Variants in DSCAM observed in about 807,000 individuals in gnomAD.
DSCAM encodes the protein DS cell adhesion molecule.
A neutral mutation model predicts 217.7 loss-of-function variants in DSCAM; 47 were observed. The observed-to-expected ratio is 0.22, with a 90% confidence interval of 0.17 to 0.28. The LOEUF (loss-of-function observed/expected upper bound fraction) is 0.28, where lower values mean the gene tolerates loss of function less well. DSCAM is among the 10% of genes least tolerant of loss of function. DSCAM has a pLI of 1.00. For synonymous variants in DSCAM, 1,056 were observed against 1,015.3 expected (o/e 1.04, Z -0.76); for missense variants, 2,080 against 2,618.3 (o/e 0.79, Z 4.49).
intron 3 of DSCAM, among the ~76,000 whole-genome samples, chr21:40,395,671 A>G (rs2075172495): frequency 1.3e-5 from 2 of 152,180 alleles, no homozygotes; most frequent in Admixed American, 6.5e-5. Context: ...TATATTCATG[A>G]ACACAAAGAA....
intron 1 of DSCAM, among the ~76,000 whole-genome samples, chr21:40,739,330 G>C (rs1003803442): frequency 6.6e-6 from 1 of 152,200 alleles, no homozygotes; most frequent in Non-Finnish European, 1.5e-5. Flanking sequence ...AGAGAGGCTG[G>C]TCCAGCAAAA....
intron 3 of DSCAM, among the ~76,000 whole-genome samples, chr21:40,377,091 G>A (rs2074971235): frequency 6.6e-6 from 1 of 152,128 alleles, no homozygotes; most frequent in South Asian, 2.1e-4. Context: ...ATATTAACAT[G>A]AATCCTAATC....
chr21:40,449,116 T>C (rs1465607145), intron 3 of DSCAM, among the ~76,000 whole-genome samples: 1 of 152,194 alleles, frequency 6.6e-6, no homozygotes, highest in East Asian at 1.9e-4. Flanking sequence ...CCATCTTCTG[T>C]AGTCACGCCT....
chr21:40,135,749 A>T (rs1371699375), intron 18 of DSCAM, among the ~76,000 whole-genome samples: 3 of 152,250 alleles, frequency 2.0e-5, no homozygotes, highest in Non-Finnish European at 4.4e-5. Context: ...ATGAATAGCC[A>T]TGTATTTTGT....
At position 40,828,947 on chromosome 21, in the gene DSCAM, C is replaced by T. The variant is rs1043264487; in HGVS notation, c.43+17672G>A. On this transcript the variant is annotated intron_variant, in intron 1 of 32. Transcript: ENST00000400454. ...TGCTGGGATTACAGGTGTGCACACA[C>T]GGCCACCATCCCTTCTTGTTACTAC... Among the ~76,000 whole-genome samples, 12 of 152,334 alleles carry T rather than the reference C, an allele frequency of 7.9e-5. No homozygotes were observed. The South Asian group carries it at 2.5e-3, about 32-fold the overall frequency.
chr21:40,426,540 A>C (rs1239774799), intron 3 of DSCAM, among the ~76,000 whole-genome samples: 1 of 152,254 alleles, frequency 6.6e-6, no homozygotes, highest in Non-Finnish European at 1.5e-5. Flanking sequence ...TTCATAATGT[A>C]AATGGCAATA....
At chr21:40,824,506 C>T (rs886082620) in intron 1 of DSCAM, among the ~76,000 whole-genome samples, 1 of 150,486 alleles carries the variant, frequency 6.6e-6, no homozygotes, top group African/African-American at 2.5e-5. Context: ...ACCTTCCAGG[C>T]TCAAGCAATT....
chr21:40,373,667 T>A (rs1354345523), intron 3 of DSCAM, among the ~76,000 whole-genome samples: 1 of 152,344 alleles, frequency 6.6e-6, no homozygotes, highest in South Asian at 2.1e-4. Flanking sequence ...GCTTGTTCAA[T>A]CTTCTCAGCT....
chr21:40,504,586 G>GA (rs2076195633), intron 3 of DSCAM, among the ~76,000 whole-genome samples: 1 of 152,146 alleles, frequency 6.6e-6, no homozygotes, highest in East Asian at 1.9e-4. Flanking sequence ...AAGAACAACA[G>GA]AAAAACTACA....
chr21:40,565,207 A>G (rs1484040050), intron 3 of DSCAM, among the ~76,000 whole-genome samples: 1 of 152,194 alleles, frequency 6.6e-6, no homozygotes, highest in Non-Finnish European at 1.5e-5. Context: ...CTGAATGGCC[A>G]ATGCGGCTAA....
chr21:40,287,355 G>A (rs185665915), intron 10 of DSCAM, among the ~76,000 whole-genome samples: 1 of 152,338 alleles, frequency 6.6e-6, no homozygotes, highest in East Asian at 1.9e-4. Context: ...ACCTGCTTGA[G>A]GGACTTAGGC....
At chr21:40,558,636 A>G (rs766690421) in intron 3 of DSCAM, among the ~76,000 whole-genome samples, 3 of 152,172 alleles carry the variant, frequency 2.0e-5, no homozygotes, top group Admixed American at 6.5e-5. Context: ...AGAAACATTG[A>G]TAGTTCTCTT....
chr21:40,696,083 A>G (rs77697078), intron 2 of DSCAM, among the ~76,000 whole-genome samples: 1 of 104,192 alleles, frequency 9.6e-6, no homozygotes, highest in Admixed American at 8.6e-5. Flanking sequence ...AGATGCAGGC[A>G]AAAAAAAAAA....
At chr21:40,597,203 C>T (rs926635947) in intron 3 of DSCAM, among the ~76,000 whole-genome samples, 1 of 152,292 alleles carries the variant, frequency 6.6e-6, no homozygotes, top group Admixed American at 6.5e-5. Flanking sequence ...TTGGCTATTA[C>T]TAGCTTCAAC....
Position 40,046,935 on chromosome 21 carries a change from A to C in DSCAM, c.5186-2660T>G, listed in dbSNP as rs1429658535. 2.0e-5 allele frequency among the ~76,000 whole-genome samples: 3 copies of C among 151,880 alleles called. No homozygotes were observed. In the South Asian group the frequency reaches 6.3e-4, roughly 32 times the overall value. On this transcript the variant is annotated intron_variant, in intron 30 of 32. Coordinates refer to ENST00000400454, the MANE Select transcript of DSCAM (RefSeq NM_001389.5). ...CCCCTTTCCTCATTGAGATCACCCT[A>C]CTTGGAAAATTCCATGGGAAAGTCG...
intron 3 of DSCAM, 141 bp from the exon 4 acceptor site, chr21:40,369,386 G>A (rs930511390): frequency 1.5e-5 from 2 of 133,680 alleles, no homozygotes; most frequent in Non-Finnish European, 2.5e-5. Context: ...GTGCGTCTGC[G>A]TGTGTGTGTG....
intron 1 of DSCAM, among the ~76,000 whole-genome samples, chr21:40,823,099 G>A (rs2091942390): frequency 6.6e-6 from 1 of 151,936 alleles, no homozygotes; most frequent in South Asian, 2.1e-4. Flanking sequence ...GCCGTGAGCC[G>A]AAATTGTGCC....
chr21:40,124,051 G>T (rs1037067346), intron 20 of DSCAM, 144 bp downstream of exon 20: 3 of 1,076,656 alleles, frequency 2.8e-6, no homozygotes, highest in Non-Finnish European at 4.1e-6. Flanking sequence ...ACTTTGTTTT[G>T]TATGTGGAGA....
chr21:40,067,137 CA>C (rs1365996918), intron 27 of DSCAM, among the ~76,000 whole-genome samples: 1 of 152,168 alleles, frequency 6.6e-6, no homozygotes, highest in South Asian at 2.1e-4. Context: ...CTATCTAACA[CA>C]GAGCTTATTT....
Sources: allele counts gnomAD v4.1 joint callset (sites outside exome capture counted in the v4.1 genomes callset), GRCh38; gene constraint gnomAD v4.1.1; transcripts MANE v1.5; gene names NCBI Gene and HGNC (gene_info 2026-07-23, HGNC 2026-07-21).